CPAMD8: variants seen among roughly 807,000 people sequenced by gnomAD.
The protein encoded by CPAMD8 is C3 and PZP-like alpha-2-macroglobulin domain-containing protein 8.
CPAMD8 carries 146 observed loss-of-function variants against 224.7 expected under a neutral mutation model. The ratio of observed to expected loss-of-function variants is 0.65; its 90% CI spans 0.57 to 0.75. CPAMD8 has a LOEUF of 0.75. Among genes scored for constraint, CPAMD8 ranks in the 30% least tolerant of loss-of-function variants. CPAMD8 has a pLI of 0.00. For synonymous variants in CPAMD8, 966 were observed against 1,044.6 expected (o/e 0.92, Z 1.45); for missense variants, 2,301 against 2,537.5 (o/e 0.91, Z 2.00).
intron 35 of CPAMD8, among the ~76,000 whole-genome samples, chr19:16,901,529 G>A (rs1179264814): frequency 6.6e-6 from 1 of 152,200 alleles, no homozygotes; most frequent in Non-Finnish European, 1.5e-5. Context: ...CTCTAGGCCT[G>A]ACCAGGTCTC....
intron 30 of CPAMD8, among the ~76,000 whole-genome samples, chr19:16,906,379 TTTCTTTC>T (rs2052499435): frequency 1.4e-5 from 1 of 72,526 alleles, no homozygotes; most frequent in South Asian, 5.8e-4. Flanking sequence ...TCTTTCTTTC[TTTCTTTC>T]TTTCTTTCTT....
chr19:16,908,943 G>A (rs1389700265), intron 29 of CPAMD8, among the ~76,000 whole-genome samples: 2 of 152,178 alleles, frequency 1.3e-5, no homozygotes, highest in Non-Finnish European at 2.9e-5. Context: ...TCTCAAGGAC[G>A]CTGCGGAGAC....
intron 12 of CPAMD8, among the ~76,000 whole-genome samples, chr19:16,991,851 T>G (rs139612996): frequency 8.9e-6 from 1 of 112,218 alleles, no homozygotes; most frequent in African/African-American, 3.3e-5. Flanking sequence ...CAAGACTCTG[T>G]ATCAAAAAAA....
At chr19:16,917,009 T>C (rs1453590602) in intron 27 of CPAMD8, among the ~76,000 whole-genome samples, 5 of 152,118 alleles carry the variant, frequency 3.3e-5, no homozygotes, top group African/African-American at 1.2e-4. Flanking sequence ...GTGCTGGGAA[T>C]TGTGGAATTC....
intron 15 of CPAMD8, 76 bp downstream of exon 15, chr19:16,977,292 A>G: frequency 2.2e-6 from 2 of 919,890 alleles, no homozygotes; most frequent in Non-Finnish European, 3.5e-6. Context: ...AGGTGTGCAC[A>G]GACCCCCTGG....
intron 5 of CPAMD8, 23 bp from the exon 6 acceptor site, chr19:17,009,343 G>C: frequency 2.5e-6 from 4 of 1,614,074 alleles, no homozygotes; most frequent in Non-Finnish European, 3.4e-6. Context: ...CACAGATGCA[G>C]TGAGCAAATC....
At chr19:16,997,704 T>C (rs1287318267) in intron 10 of CPAMD8, among the ~76,000 whole-genome samples, 3 of 150,766 alleles carry the variant, frequency 2.0e-5, no homozygotes, top group Non-Finnish European at 3.0e-5. Context: ...TGTAAAAAAA[T>C]AGCTGGGCGT....
rs1322995643 is a variant in CPAMD8, at chr19:17,011,752, G to A, written c.273C>T (p.Pro91=). The change falls in exon 4 of 42, where the codon CCC becomes CCT. Residue 91 remains proline (P), a synonymous_variant. Coordinates refer to ENST00000443236, the MANE Select transcript of CPAMD8 (RefSeq NM_015692.5). ...GAAGCGCTTGGCCCCGGAGGCCCGT[G>A]GGCACCTGCAGGCAGAGGAAGGAGC... The part of the protein sequence containing the change: ...LDKGTIKLKV[P]TGLRGQALLK... 1.9e-6 allele frequency: 3 copies of A among 1,613,284 alleles called. No individual in the cohort carries two copies. Among genetic ancestry groups the A allele is most frequent in the Non-Finnish European group, 1.7e-6 (2 of 1,179,726 alleles).
chr19:16,945,809 GCAGA>G, intron 21 of CPAMD8, 130 bp from the exon 22 acceptor site: 1 of 813,090 alleles, frequency 1.2e-6, no homozygotes, highest in South Asian at 1.5e-5. Context: ...GTGTGTATAT[GCAGA>G]TGTGTGCATG....
rs962979369 is a variant in CPAMD8, at chr19:16,922,066, C to T, written c.3548-80G>A. The stretch of plus-strand genomic sequence containing the variant: ...CCCCCAGGGACCTACACCACTCTGC[C>T]GTCCCCTACCCCGGATCTCCGAAGC... On this transcript the variant is annotated intron_variant, in intron 26 of 41. Coordinates refer to ENST00000443236, the MANE Select transcript of CPAMD8 (RefSeq NM_015692.5). 3.7e-5 allele frequency: 34 copies of T among 914,802 alleles called. No homozygotes were observed. The East Asian group carries it at 7.5e-4, about 20-fold the overall frequency. 56.7% of individuals were successfully genotyped at this position (914,802 alleles called of 1,614,324 possible).
chr19:17,010,416 AT>A lies in CPAMD8; in HGVS notation c.486+1047del, dbSNP rs2056613850. Among the ~76,000 whole-genome samples the A allele has an allele frequency of 2.0e-5, 3 of 151,814 alleles. No individual in the cohort carries two copies. The South Asian group carries it at 6.2e-4, about 32-fold the overall frequency. On this transcript the variant is annotated intron_variant, in intron 5 of 41. Transcript: ENST00000443236. ...TGCTCAACTAATTTTTATTATTTTA[AT>A]TTTTTGTCAAGACAGTTTCGCTATG... is the stretch of plus-strand genomic sequence containing the variant.
intron 24 of CPAMD8, 147 bp from the exon 25 acceptor site, chr19:16,928,381 G>A (rs2053440479): frequency 1.6e-6 from 1 of 628,854 alleles, no homozygotes; most frequent in African/African-American, 1.8e-5. Flanking sequence ...TCAGAGGTGA[G>A]AGAAATCAGG....
intron 22 of CPAMD8, among the ~76,000 whole-genome samples, chr19:16,938,918 T>C (rs2053786651): frequency 6.6e-6 from 1 of 152,220 alleles, no homozygotes; most frequent in Non-Finnish European, 1.5e-5. Flanking sequence ...CTCCTGTCTC[T>C]TCCATCTGGG....
chr19:16,916,892 G>T lies in CPAMD8; in HGVS notation c.3630-2079C>A, dbSNP rs146318023. 4.0e-4 allele frequency among the ~76,000 whole-genome samples: 61 copies of T among 152,132 alleles called. No individual in the cohort carries two copies. In the East Asian group the frequency reaches 0.011, roughly 28 times the overall value. ...AGCCAGGAGACCCCATGGCTCCCAG[G>T]CTCATCCCCACCCCATTACCAGCTA... On this transcript the variant is annotated intron_variant, in intron 27 of 41. Transcript: ENST00000443236.
At position 16,902,775 on chromosome 19, in the gene CPAMD8, C is replaced by T. The variant is rs202000373; in HGVS notation, c.4559G>A (p.Arg1520His). Reference protein sequence around the residue: ...VSLQEPEAQGRPPPMPASAAE... With the variant: ...VSLQEPEAQGHPPPMPASAAE... ...TGCGGAGGCAGGCATGGGGGGCGGG[C>T]GTCCCTGGGCCTCAGGCTCCTGGAG... The change falls in exon 35 of 42, where the codon CGC (arginine) becomes CAC (histidine). Residue 1520 changes from arginine to histidine, a missense_variant. Arg to His is a conservative substitution (Grantham distance 29). Transcript: ENST00000443236. The T allele has an allele frequency of 6.3e-6, 10 of 1,589,818 alleles. No homozygotes were observed. The highest frequency in any genetic ancestry group is 4.5e-5 in the East Asian group (2 of 44,044).
Position 16,951,903 on chromosome 19 carries a change from T to C in CPAMD8, c.2508+66A>G, listed in dbSNP as rs2054308095. The C allele has an allele frequency of 7.9e-6, 8 of 1,010,492 alleles. No individual in the cohort carries two copies. In the South Asian group the frequency reaches 8.5e-5, roughly 11 times the overall value. The allele number at this position is 1,010,492 out of a possible 1,614,324, so 62.6% of individuals were successfully genotyped here. On this transcript the variant is annotated intron_variant, in intron 20 of 41. Coordinates refer to ENST00000443236, the MANE Select transcript of CPAMD8 (RefSeq NM_015692.5). The stretch of plus-strand genomic sequence containing the variant: ...CACTGTCCCACCCCTGCCTACCTTA[T>C]AGCACCAATGCAGTCCCAACTCCCC...
Position 16,962,417 on chromosome 19 carries a change from CG to C in CPAMD8, c.2214-4503del, listed in dbSNP as rs1353486456. Among the ~76,000 whole-genome samples, 9 of 152,036 alleles carry C rather than the reference CG, an allele frequency of 5.9e-5. No individual in the cohort carries two copies. The East Asian group carries it at 1.5e-3, about 26-fold the overall frequency. On this transcript the variant is annotated intron_variant, in intron 18 of 41. Coordinates refer to ENST00000443236, the MANE Select transcript of CPAMD8 (RefSeq NM_015692.5). ...CAGGCACAAGTTTCAATAGCCGATT[CG>C]ATCAAGTGGAAGAAAGGGTATCAGT... is the stretch of plus-strand genomic sequence containing the variant.
intron 2 of CPAMD8, 136 bp from the exon 3 acceptor site, chr19:17,020,489 T>G: frequency 1.5e-6 from 1 of 671,620 alleles, no homozygotes; most frequent in East Asian, 2.6e-5. Flanking sequence ...TGGGTCATGC[T>G]GGCCTGGACT....
At chr19:16,971,978 C>T (rs766787087) in intron 17 of CPAMD8, among the ~76,000 whole-genome samples, 10 of 151,850 alleles carry the variant, frequency 6.6e-5, no homozygotes, top group Non-Finnish European at 1.0e-4. Context: ...ACCCAGGAGG[C>T]GGAGGTTGCA....
Sources: allele counts gnomAD v4.1 joint callset (sites outside exome capture counted in the v4.1 genomes callset), GRCh38; gene constraint gnomAD v4.1.1; transcripts MANE v1.5; gene names NCBI Gene and HGNC (gene_info 2026-07-23, HGNC 2026-07-21).